The following CADPS variants were observed in gnomAD, a reference collection of about 807,000 sequenced individuals.
The protein encoded by CADPS is calcium-dependent secretion activator 1.
In CADPS, 57 loss-of-function variants were observed where a neutral mutation model predicts 167.3. The observed-to-expected ratio is 0.34, with a 90% CI of 0.28 to 0.42. CADPS has a LOEUF of 0.42. CADPS is among the 20% of genes least tolerant of loss of function. The pLI, the probability that CADPS is intolerant of heterozygous loss-of-function variation, is 1.00. For missense variants in CADPS, 1,414 were observed against 1,738.1 expected, an observed-to-expected ratio of 0.81 and a Z score of 3.32; for synonymous variants, 676 against 635.3, an observed-to-expected ratio of 1.06 and a Z score of -0.96.
chr3:62,545,482 C>T (rs1411573624), intron 11 of CADPS, among the ~76,000 whole-genome samples: 1 of 151,082 alleles, frequency 6.6e-6, no homozygotes, highest in Non-Finnish European at 1.5e-5. Context: ...TAAATTTTAA[C>T]AAAAAAGAAA....
chr3:62,667,975 T>G (rs1468655060), intron 3 of CADPS, among the ~76,000 whole-genome samples: 1 of 152,122 alleles, frequency 6.6e-6, no homozygotes. Flanking sequence ...GCCTTGACAG[T>G]GCGCCTGGGA....
At chr3:62,547,430 G>A (rs1185066413) in intron 11 of CADPS, among the ~76,000 whole-genome samples, 2 of 152,072 alleles carry the variant, frequency 1.3e-5, no homozygotes, top group Non-Finnish European at 2.9e-5. Context: ...CATGCTCTCT[G>A]AAGAACTCCC....
At chr3:62,492,264 G>A in intron 20 of CADPS, 26 bp downstream of exon 20, 2 of 1,607,406 alleles carry the variant, frequency 1.2e-6, no homozygotes, top group Non-Finnish European at 1.7e-6. Context: ...ACTTAGGAAA[G>A]TCAAACAGTC....
Position 62,465,571 on chromosome 3 carries a change from A to G in CADPS, c.3553-121T>C, listed in dbSNP as rs1233205682. 3.3e-5 allele frequency: 20 copies of G among 598,130 alleles called. No homozygotes were observed. Among genetic ancestry groups the G allele is most frequent in the Non-Finnish European group, 4.7e-5 (16 of 342,522 alleles). The allele number at this position is 598,130 out of a possible 1,614,324, so 37.1% of individuals were successfully genotyped here. ...AGCCCTCCGTTCATTTCTGCAGTCTATTATTTGATTCCCGCCTTCGGAGAA... is the reference window on the plus strand; with the variant it reads ...AGCCCTCCGTTCATTTCTGCAGTCTGTTATTTGATTCCCGCCTTCGGAGAA... On this transcript the variant is annotated intron_variant, in intron 25 of 29. Transcript: ENST00000383710. The surrounding 1 kb of genome is among the most constrained non-coding windows in gnomAD (Gnocchi z 4.1).
intron 11 of CADPS, among the ~76,000 whole-genome samples, chr3:62,539,457 G>A (rs2075323540): frequency 6.6e-6 from 1 of 151,894 alleles, no homozygotes. Context: ...CGCTTACAAG[G>A]GTGGCTGGCT....
intron 1 of CADPS, among the ~76,000 whole-genome samples, chr3:62,794,445 T>C (rs887593356): frequency 7.2e-5 from 11 of 152,132 alleles, no homozygotes; most frequent in Non-Finnish European, 1.3e-4. Context: ...TAAATACACA[T>C]ATATTTAGTA....
At chr3:62,762,236 T>C (rs1054564670) in intron 2 of CADPS, among the ~76,000 whole-genome samples, 3 of 152,114 alleles carry the variant, frequency 2.0e-5, no homozygotes, top group African/African-American at 7.2e-5. Flanking sequence ...CAACTACAGA[T>C]ACAAAATATA....
chr3:62,453,641 G>A (rs1248861479), intron 26 of CADPS, among the ~76,000 whole-genome samples: 3 of 152,220 alleles, frequency 2.0e-5, no homozygotes, highest in African/African-American at 4.8e-5. Context: ...CTGGGACTGC[G>A]TGTGCGGGTG....
At chr3:62,851,378 G>T (rs1004300733) in intron 1 of CADPS, among the ~76,000 whole-genome samples, 90 of 137,578 alleles carry the variant, frequency 6.5e-4, no homozygotes, top group Middle Eastern at 4.1e-3. Flanking sequence ...CTCGATGGTC[G>T]TTACATTTTG....
intron 22 of CADPS, among the ~76,000 whole-genome samples, chr3:62,480,284 T>C (rs2061828991): frequency 6.6e-6 from 1 of 152,202 alleles, no homozygotes; most frequent in African/African-American, 2.4e-5. Context: ...AAAAACAGTG[T>C]CACAGAGCAT....
intron 1 of CADPS, among the ~76,000 whole-genome samples, chr3:62,836,091 A>G (rs971941268): frequency 2.6e-5 from 4 of 152,196 alleles, no homozygotes; most frequent in African/African-American, 9.7e-5. Flanking sequence ...TTGGATGTGC[A>G]TGTTGAAATC....
chr3:62,633,008 C>A (rs185933015), intron 6 of CADPS, among the ~76,000 whole-genome samples: 353 of 152,126 alleles, frequency 2.3e-3, no homozygotes, highest in Non-Finnish European at 4.0e-3. Flanking sequence ...GGTCATTCAC[C>A]GAGACGCTAG....
chr3:62,512,852 A>G, intron 16 of CADPS, 84 bp from the exon 17 acceptor site: 2 of 1,158,166 alleles, frequency 1.7e-6, no homozygotes, highest in South Asian at 1.5e-5. Flanking sequence ...GTGGACCAAA[A>G]TGCCCCCCAC....
At chr3:62,818,907 T>C (rs1225134247) in intron 1 of CADPS, among the ~76,000 whole-genome samples, 1 of 152,096 alleles carries the variant, frequency 6.6e-6, no homozygotes, top group Non-Finnish European at 1.5e-5. Flanking sequence ...TTATTCTGAG[T>C]GGGAAAAAAA....
intron 16 of CADPS, among the ~76,000 whole-genome samples, chr3:62,515,374 A>ATAG (rs35048602): frequency 0.66 from 100,520 of 151,600 alleles, 35,657 homozygotes; most frequent in Non-Finnish European, 0.79. Context: ...TCGTGGATGA[A>ATAG]TAGGTCCCAA....
chr3:62,778,506 G>A (rs554807415), intron 1 of CADPS, among the ~76,000 whole-genome samples: 1 of 152,184 alleles, frequency 6.6e-6, no homozygotes, highest in Admixed American at 6.5e-5. Flanking sequence ...GCTCCTTCCA[G>A]CCTCTGAATG....
chr3:62,593,145 G>T (rs1373025101), intron 6 of CADPS, among the ~76,000 whole-genome samples: 2 of 152,178 alleles, frequency 1.3e-5, no homozygotes, highest in Admixed American at 1.3e-4. Flanking sequence ...GGCTTCATTT[G>T]GTTCAAGCCA....
intron 23 of CADPS, among the ~76,000 whole-genome samples, chr3:62,476,010 G>A (rs977928463): frequency 2.6e-5 from 4 of 152,110 alleles, no homozygotes; most frequent in Non-Finnish European, 5.9e-5. Context: ...GGACCAAAAC[G>A]CCAGAAAAGG....
intron 16 of CADPS, among the ~76,000 whole-genome samples, chr3:62,515,140 C>CT (rs928124622): frequency 1.1e-4 from 16 of 152,088 alleles, no homozygotes; most frequent in Non-Finnish European, 2.4e-4. Flanking sequence ...TGGTTAGTTT[C>CT]TTTTCCCCCC....
Sources: allele counts gnomAD v4.1 joint callset (sites outside exome capture counted in the v4.1 genomes callset), GRCh38; gene constraint gnomAD v4.1.1; non-coding constraint Gnocchi (gnomAD v3.1); transcripts MANE v1.5; gene names NCBI Gene and HGNC (gene_info 2026-07-23, HGNC 2026-07-21).